ABCD3: variants seen among roughly 807,000 people sequenced by gnomAD.
The protein encoded by ABCD3 is ATP-binding cassette sub-family D member 3.
ABCD3 carries 41 observed loss-of-function variants against 105.5 expected under a neutral mutation model. That is an observed-to-expected ratio of 0.39 (90% CI 0.30 to 0.50). The LOEUF (loss-of-function observed/expected upper bound fraction) is 0.50. Among genes scored for constraint, ABCD3 ranks in the 20% least tolerant of loss-of-function variants. The pLI is 0.84. For synonymous variants in ABCD3, 258 were observed against 269.0 expected, an observed-to-expected ratio of 0.96 and a Z score of 0.40; for missense variants, 622 against 806.3, an observed-to-expected ratio of 0.77 and a Z score of 2.77.
intron 1 of ABCD3, 117 bp from the exon 2 acceptor site, chr1:94,458,489 GA>G: frequency 1.2e-6 from 1 of 867,230 alleles, no homozygotes; most frequent in Non-Finnish European, 1.9e-6. Flanking sequence ...ATCTCACTAT[GA>G]TGTGAAAAAG....
intron 21 of ABCD3, among the ~76,000 whole-genome samples, chr1:94,511,539 G>A (rs1050195703): frequency 3.9e-5 from 6 of 152,122 alleles, no homozygotes; most frequent in Non-Finnish European, 5.9e-5. Context: ...ACGTTGGCCT[G>A]CCTTGCTAGA....
intron 5 of ABCD3, 66 bp downstream of exon 5, chr1:94,473,901 G>T (rs556745505): frequency 3.9e-6 from 5 of 1,270,682 alleles, no homozygotes; most frequent in Admixed American, 1.8e-5. Flanking sequence ...ATCTTTAAGG[G>T]TTTTACTTAT....
At chr1:94,414,039 G>T (rs547033221), upstream of ABCD3, among the ~76,000 whole-genome samples, 5 of 152,128 alleles carry the variant, frequency 3.3e-5, no homozygotes, top group Admixed American at 1.3e-4. Context: ...TTCAAGGGAA[G>T]ACTACAGAAG....
At chr1:94,470,488 A>C (rs936618127) in intron 4 of ABCD3, among the ~76,000 whole-genome samples, 11 of 151,982 alleles carry the variant, frequency 7.2e-5, no homozygotes, top group African/African-American at 2.4e-4. Flanking sequence ...TTCCTCCCTC[A>C]ATCTCCCCCT....
chr1:94,499,685 G>A lies in ABCD3; in HGVS notation c.1740+71G>A, dbSNP rs1392794272. ...GCATTTTGATTAATCAGGACACAAA[G>A]TTTCATCTTATATTTTTTTATTCAG... On this transcript the variant is annotated intron_variant, in intron 20 of 22. Transcript: ENST00000370214. 2.5e-6 allele frequency: 4 copies of A among 1,579,268 alleles called. No individual in the cohort carries two copies. The East Asian group carries it at 9.1e-5, about 36-fold the overall frequency.
At chr1:94,455,293 C>CCTT (rs1647493316) in intron 1 of ABCD3, among the ~76,000 whole-genome samples, 3 of 151,606 alleles carry the variant, frequency 2.0e-5, no homozygotes, top group African/African-American at 7.3e-5. Flanking sequence ...AAACAAATCT[C>CCTT]ATAAAGAAGT....
At chr1:94,445,805 G>A (rs1660323239) in intron 1 of ABCD3, among the ~76,000 whole-genome samples, 1 of 152,168 alleles carries the variant, frequency 6.6e-6, no homozygotes, top group African/African-American at 2.4e-5. Context: ...CAGCTGCTCA[G>A]GATATAGCGT....
chr1:94,488,818 A>ACTCTCT (rs35741156), intron 13 of ABCD3, among the ~76,000 whole-genome samples: 79 of 146,450 alleles, frequency 5.4e-4, no homozygotes, highest in African/African-American at 1.8e-3. Context: ...GTTTCCTTTC[A>ACTCTCT]CTCTCTCTCT....
chr1:94,438,040 G>C (rs1659968426), intron 1 of ABCD3, among the ~76,000 whole-genome samples: 2 of 152,058 alleles, frequency 1.3e-5, no homozygotes, highest in South Asian at 2.1e-4. Flanking sequence ...TCTAATCCCA[G>C]CACTTTGGGA....
the ABCD3 span, among the ~76,000 whole-genome samples, chr1:94,392,649 C>T: frequency 6.6e-6 from 1 of 152,224 alleles, no homozygotes; most frequent in East Asian, 1.9e-4. Context: ...ACATCTTTCC[C>T]AATGATGCGG....
At chr1:94,435,373 C>G (rs1659861475) in intron 1 of ABCD3, among the ~76,000 whole-genome samples, 1 of 151,974 alleles carries the variant, frequency 6.6e-6, no homozygotes, top group Admixed American at 6.6e-5. Flanking sequence ...GACCCTGTGT[C>G]TATAAAAAGT....
intron 1 of ABCD3, among the ~76,000 whole-genome samples, chr1:94,452,997 C>T (rs1570763092): frequency 6.6e-6 from 1 of 152,290 alleles, no homozygotes; most frequent in East Asian, 1.9e-4. Context: ...CTCTGCCTTC[C>T]AAAGCACTGG....
At chr1:94,429,022 G>C (rs940683721) in intron 1 of ABCD3, among the ~76,000 whole-genome samples, 1 of 152,166 alleles carries the variant, frequency 6.6e-6, no homozygotes, top group Non-Finnish European at 1.5e-5. Context: ...AGTGATATGA[G>C]CAATAAGGTC....
rs146296035 is a variant in ABCD3, at chr1:94,473,132, G to A, written c.336-634G>A. Among the ~76,000 whole-genome samples, 84 of 152,212 alleles carry A rather than the reference G, an allele frequency of 5.5e-4. 1 individual carries two copies. The East Asian group carries it at 0.013, about 23-fold the overall frequency. ...ATCCATTCTGGGCTCTGATCTATGCGTTAGTCCCAGTATTGGCAAACTAGG... is the reference window on the plus strand; with the variant it reads ...ATCCATTCTGGGCTCTGATCTATGCATTAGTCCCAGTATTGGCAAACTAGG... On this transcript the variant is annotated intron_variant, in intron 4 of 22. Transcript: ENST00000370214.
chr1:94,391,758 A>C, the ABCD3 span, among the ~76,000 whole-genome samples: 1 of 152,082 alleles, frequency 6.6e-6, no homozygotes, highest in Non-Finnish European at 1.5e-5. Context: ...GAATCTTTGG[A>C]CCCTTTCCTC....
chr1:94,416,411 GA>G (rs976035469), upstream of ABCD3, among the ~76,000 whole-genome samples: 1 of 152,030 alleles, frequency 6.6e-6, no homozygotes, highest in African/African-American at 2.4e-5. Flanking sequence ...ATTTATACTT[GA>G]TTTTTTTTAC....
intron 10 of ABCD3, 117 bp from the exon 11 acceptor site, chr1:94,487,425 C>A: frequency 1.1e-6 from 1 of 891,566 alleles, no homozygotes; most frequent in Non-Finnish European, 1.8e-6. Context: ...ACAGAAATCA[C>A]GGGCACTCAG....
At chr1:94,479,428 T>C (rs916369582) in intron 8 of ABCD3, among the ~76,000 whole-genome samples, 4 of 151,752 alleles carry the variant, frequency 2.6e-5, no homozygotes, top group Admixed American at 2.0e-4. Context: ...ATTGATCAGA[T>C]TTACTTTTTT....
At chr1:94,438,456 G>C (rs1484623664) in intron 1 of ABCD3, among the ~76,000 whole-genome samples, 2 of 152,076 alleles carry the variant, frequency 1.3e-5, no homozygotes, top group African/African-American at 4.8e-5. Context: ...GACAACAAAG[G>C]ATTTACAATA....
Sources: allele counts gnomAD v4.1 joint callset (sites outside exome capture counted in the v4.1 genomes callset), GRCh38; gene constraint gnomAD v4.1.1; transcripts MANE v1.5; gene names NCBI Gene and HGNC (gene_info 2026-07-23, HGNC 2026-07-21).